Variants in DEAF1 observed in about 807,000 individuals in gnomAD.
The protein encoded by DEAF1 is deformed epidermal autoregulatory factor 1 homolog.
DEAF1 carries 53 observed loss-of-function variants against 58.9 expected under a neutral mutation model. The observed-to-expected ratio is 0.90, with a 90% confidence interval of 0.72 to 1.13. DEAF1 has a LOEUF of 1.13. DEAF1 is among the 50% of genes most tolerant of loss of function. The pLI is 0.00. For synonymous variants in DEAF1, 385 were observed against 340.4 expected, an observed-to-expected ratio of 1.13 and a Z score of -1.44; for missense variants, 685 against 791.4, an observed-to-expected ratio of 0.87 and a Z score of 1.61.
intron 7 of DEAF1, 145 bp from the exon 8 acceptor site, chr11:679,961 C>T (rs980803196): frequency 4.5e-5 from 51 of 1,143,546 alleles, no homozygotes; most frequent in South Asian, 4.0e-4. Flanking sequence ...GTGAAGGACA[C>T]GGGGGAAATC....
upstream of DEAF1, chr11:697,799 C>T (rs1268947760): frequency 6.6e-6 from 1 of 152,298 alleles, no homozygotes; most frequent in Non-Finnish European, 1.5e-5. Context: ...ACTTGGCTTC[C>T]TGCTTCCATC....
chr11:684,622 G>A (rs917823818), intron 6 of DEAF1, among the ~76,000 whole-genome samples: 3 of 152,126 alleles, frequency 2.0e-5, no homozygotes, highest in Non-Finnish European at 2.9e-5. Flanking sequence ...GAGTTAAGGC[G>A]GTGACATTAT....
chr11:700,237 T>C lies in DEAF1; in HGVS notation c.-438+6335A>G, dbSNP rs946277694. The C allele has an allele frequency of 5.0e-6, 8 of 1,612,672 alleles. No individual in the cohort carries two copies. In the African/African-American group the frequency reaches 1.1e-4, roughly 22 times the overall value. ...CGCTCCTGATGATCACGTATAAAAG[T>C]AAGTCAGGGACGGGCACAGTGGCTC... On this transcript the variant is annotated intron_variant, in intron 1 of 11. Transcript: ENST00000683307.
At chr11:689,159 A>T in intron 2 of DEAF1, among the ~76,000 whole-genome samples, 1 of 151,758 alleles carries the variant, frequency 6.6e-6, no homozygotes, top group East Asian at 1.9e-4. Context: ...TACAAAACCA[A>T]CCGAGGCAAA....
At chr11:692,046 G>A (rs907581970) in intron 1 of DEAF1, among the ~76,000 whole-genome samples, 2 of 152,020 alleles carry the variant, frequency 1.3e-5, no homozygotes, top group Non-Finnish European at 2.9e-5. Flanking sequence ...CTCCTCCACC[G>A]CAGGGGTCAG....
At chr11:695,830 GGCGGCC>G, upstream of DEAF1, 1 of 1,230,750 alleles carries the variant, frequency 8.1e-7, no homozygotes, top group Non-Finnish European at 1.0e-6. Context: ...CGGGTAAGAT[GGCGGCC>G]CCGCGGCGAG....
At chr11:697,387 T>C (rs1861247227), upstream of DEAF1, 1 of 152,244 alleles carries the variant, frequency 6.6e-6, no homozygotes, top group African/African-American at 2.4e-5. Context: ...ACATTGTGAT[T>C]ATAGTAAGTC....
At chr11:667,178 C>T (rs900153042) in intron 10 of DEAF1, among the ~76,000 whole-genome samples, 93 of 152,016 alleles carry the variant, frequency 6.1e-4, no homozygotes, top group African/African-American at 2.0e-3. Context: ...AAAAATTGGC[C>T]GGGAGTAGTG....
Position 678,674 on chromosome 11 carries a change from G to A in DEAF1, c.1255+20C>T. ...TCTGAGGACAATAACCTGTACATGT[G>A]TGAATTCTTTCAAACCTACCTATTT... On this transcript the variant is annotated intron_variant, in intron 9 of 11. Coordinates refer to ENST00000382409, the MANE Select transcript of DEAF1 (RefSeq NM_021008.4). The A allele has an allele frequency of 6.2e-7, 1 of 1,613,840 alleles. No individual in the cohort carries two copies. Among genetic ancestry groups the A allele is most frequent in the Non-Finnish European group, 8.5e-7 (1 of 1,179,806 alleles).
intron 10 of DEAF1, among the ~76,000 whole-genome samples, chr11:669,576 T>C (rs1013269494): frequency 3.1e-4 from 46 of 149,814 alleles, no homozygotes; most frequent in Admixed American, 3.1e-3. Flanking sequence ...GTGGAGGTTA[T>C]GGCGAGCCGA....
rs1858398124 is a variant in DEAF1 at position 644,661 on chromosome 11, G to A, written c.1594-7C>T. On this transcript the variant is annotated splice_polypyrimidine_tract_variant and splice_region_variant and intron_variant, in intron 11 of 11. Coordinates refer to ENST00000382409, the MANE Select transcript of DEAF1 (RefSeq NM_021008.4). The surrounding 1 kb of genome is among the most constrained non-coding windows in gnomAD (Gnocchi z 4.3). Reference sequence around the variant, plus strand: ...GCTGGTGATCCTTCCAGTCCTGGAAGGGAGGACACACCCATGTCAGCAGGG... The same window carrying A: ...GCTGGTGATCCTTCCAGTCCTGGAAAGGAGGACACACCCATGTCAGCAGGG... 2 of 1,603,282 alleles carry A rather than the reference G, an allele frequency of 1.2e-6. No homozygotes were observed. The highest frequency in any genetic ancestry group is 1.1e-5 in the South Asian group (1 of 89,646).
intron 10 of DEAF1, among the ~76,000 whole-genome samples, chr11:658,916 T>G (rs1782873322): frequency 6.6e-6 from 1 of 152,240 alleles, no homozygotes; most frequent in Non-Finnish European, 1.5e-5. Context: ...TATGCTGGTT[T>G]CATTATAATT....
intron 4 of DEAF1, 130 bp from the exon 5 acceptor site, chr11:687,127 C>T: frequency 1.5e-6 from 2 of 1,375,722 alleles, no homozygotes; most frequent in Non-Finnish European, 1.0e-6. Flanking sequence ...TCTCACCCAC[C>T]CACATACTTG....
intron 9 of DEAF1, among the ~76,000 whole-genome samples, chr11:675,239 C>G (rs2133366923): frequency 6.6e-6 from 1 of 152,238 alleles, no homozygotes; most frequent in East Asian, 1.9e-4. Context: ...ATTCTCATCA[C>G]CCGGTGCAGT....
At chr11:691,652 C>T (rs1303035984) in intron 1 of DEAF1, 54 bp from the exon 2 acceptor site, 7 of 1,515,086 alleles carry the variant, frequency 4.6e-6, no homozygotes, top group African/African-American at 4.1e-5. Context: ...ATGGACAAAG[C>T]GAACAGCCTC....
intron 10 of DEAF1, among the ~76,000 whole-genome samples, chr11:658,689 G>A (rs1282795181): frequency 2.0e-5 from 3 of 152,228 alleles, no homozygotes; most frequent in South Asian, 2.1e-4. Context: ...GGCCGCAGGC[G>A]GGCAGAGGAG....
chr11:661,650 C>T (rs1370941363), intron 10 of DEAF1, among the ~76,000 whole-genome samples: 1 of 152,058 alleles, frequency 6.6e-6, no homozygotes, highest in Non-Finnish European at 1.5e-5. Context: ...GCACAGGTTG[C>T]AGTGAGCTGA....
At chr11:663,221 T>C (rs1288128752) in intron 10 of DEAF1, among the ~76,000 whole-genome samples, 4 of 152,052 alleles carry the variant, frequency 2.6e-5, no homozygotes, top group African/African-American at 9.7e-5. Context: ...CCAAGGAGGG[T>C]GGATCACCTG....
chr11:691,402 G>T, intron 2 of DEAF1, 99 bp downstream of exon 2: 5 of 1,117,878 alleles, frequency 4.5e-6, no homozygotes, highest in Non-Finnish European at 5.3e-6. Context: ...CAGAGCAGAC[G>T]TTCACACAGC....
Sources: allele counts gnomAD v4.1 joint callset (sites outside exome capture counted in the v4.1 genomes callset), GRCh38; gene constraint gnomAD v4.1.1; non-coding constraint Gnocchi (gnomAD v3.1); transcripts MANE v1.5; gene names NCBI Gene and HGNC (gene_info 2026-07-23, HGNC 2026-07-21).